The following UBASH3B variants were observed in gnomAD, a reference collection of about 807,000 sequenced individuals.
UBASH3B encodes ubiquitin associated and SH3 domain containing B, also known as ubiquitin-associated and SH3 domain-containing protein B.
Under a neutral mutation model 83.4 loss-of-function variants are expected in UBASH3B, and 37 were observed. The observed-to-expected ratio is 0.44, with a 90% CI of 0.34 to 0.58. UBASH3B has a LOEUF of 0.58. Ranked by LOEUF, UBASH3B falls within the 20% of genes least tolerant of loss-of-function variation. The pLI, the probability that UBASH3B is intolerant of heterozygous loss-of-function variation, is 0.01. For synonymous variants in UBASH3B, 304 were observed against 318.3 expected, an observed-to-expected ratio of 0.96 and a Z score of 0.48; for missense variants, 657 against 827.2, an observed-to-expected ratio of 0.79 and a Z score of 2.52.
intron 1 of UBASH3B, among the ~76,000 whole-genome samples, chr11:122,730,744 T>C (rs567329497): frequency 1.3e-5 from 2 of 152,194 alleles, no homozygotes; most frequent in Admixed American, 1.3e-4. Flanking sequence ...TACAGGCATG[T>C]GCCACCACGC....
intron 1 of UBASH3B, among the ~76,000 whole-genome samples, chr11:122,688,079 C>T (rs1863830899): frequency 6.6e-6 from 1 of 152,070 alleles, no homozygotes; most frequent in Admixed American, 6.6e-5. Context: ...GCCTTGGTTT[C>T]CCACCTATTT....
At chr11:122,755,674 G>A (rs547288447) in intron 1 of UBASH3B, among the ~76,000 whole-genome samples, 1 of 152,310 alleles carries the variant, frequency 6.6e-6, no homozygotes, top group African/African-American at 2.4e-5. Flanking sequence ...AAGGCAGGGA[G>A]AATTGACTCA....
chr11:122,769,977 A>G (rs1860614451), intron 1 of UBASH3B, among the ~76,000 whole-genome samples: 1 of 152,256 alleles, frequency 6.6e-6, no homozygotes, highest in Admixed American at 6.5e-5. Context: ...TTCGTATTAA[A>G]TGTTTCCAAA....
At chr11:122,764,729 G>A (rs1332444407) in intron 1 of UBASH3B, among the ~76,000 whole-genome samples, 3 of 152,212 alleles carry the variant, frequency 2.0e-5, no homozygotes, top group East Asian at 1.9e-4. Context: ...GCTGTAGTAC[G>A]TGAATTCAGG....
chr11:122,739,793 G>A (rs1289270333), intron 1 of UBASH3B, among the ~76,000 whole-genome samples: 1 of 152,160 alleles, frequency 6.6e-6, no homozygotes, highest in East Asian at 1.9e-4. Flanking sequence ...CTGGGCAGTG[G>A]TTCAAAAGTA....
intron 1 of UBASH3B, among the ~76,000 whole-genome samples, chr11:122,664,381 G>A (rs1248561925): frequency 6.6e-6 from 1 of 152,154 alleles, no homozygotes; most frequent in African/African-American, 2.4e-5. Flanking sequence ...CCTCTCTGCA[G>A]GGTGACAGAC....
At chr11:122,732,658 C>T (rs1203941432) in intron 1 of UBASH3B, among the ~76,000 whole-genome samples, 2 of 152,164 alleles carry the variant, frequency 1.3e-5, no homozygotes, top group Admixed American at 6.5e-5. Flanking sequence ...GAGATGAAAT[C>T]GTGGTTTGTC....
rs146626650 is a variant in UBASH3B, at chr11:122,665,265, A to G, written c.161+9055A>G. On this transcript the variant is annotated intron_variant, in intron 1 of 13. Coordinates refer to ENST00000284273, the MANE Select transcript of UBASH3B (RefSeq NM_032873.5). ...CGATCCTAGCTCATTGCAGCCTCGA[A>G]CACTTGGGCTCCAGTAATCCTCCTG... is the stretch of plus-strand genomic sequence containing the variant. Among the ~76,000 whole-genome samples, 131 of 152,104 alleles carry G rather than the reference A, an allele frequency of 8.6e-4. 4 individuals are homozygous for G. In the South Asian group the frequency reaches 0.022, roughly 26 times the overall value.
At chr11:122,696,392 C>A (rs148164831) in intron 1 of UBASH3B, among the ~76,000 whole-genome samples, 12,645 of 147,902 alleles carry the variant, frequency 0.085, 610 homozygotes, top group Middle Eastern at 0.13. Flanking sequence ...TGGAGTGCAA[C>A]CTCTGCCTCC....
chr11:122,753,590 G>C (rs1323719821), intron 1 of UBASH3B, among the ~76,000 whole-genome samples: 4 of 148,076 alleles, frequency 2.7e-5, no homozygotes, highest in Non-Finnish European at 3.0e-5. Context: ...TCCTCCTCCC[G>C]GGTTCAAGCG....
intron 1 of UBASH3B, among the ~76,000 whole-genome samples, chr11:122,715,201 T>A (rs1409139298): frequency 1.3e-5 from 2 of 152,184 alleles, no homozygotes; most frequent in East Asian, 3.8e-4. Flanking sequence ...CGCCTCGGCC[T>A]CCCAAAGTGC....
chr11:122,737,339 CAG>C (rs1247894905), intron 1 of UBASH3B, among the ~76,000 whole-genome samples: 2 of 152,022 alleles, frequency 1.3e-5, no homozygotes, highest in Admixed American at 6.6e-5. Context: ...GGGCTTAACA[CAG>C]AGAGAAAACA....
chr11:122,808,412 A>G (rs1861379707), intron 13 of UBASH3B, among the ~76,000 whole-genome samples: 1 of 152,254 alleles, frequency 6.6e-6, no homozygotes, highest in Admixed American at 6.5e-5. Flanking sequence ...GCTAAAATGT[A>G]GGAAGCAGCT....
intron 1 of UBASH3B, among the ~76,000 whole-genome samples, chr11:122,690,200 A>AAT (rs1565530288): frequency 0.013 from 385 of 29,072 alleles, 4 homozygotes; most frequent in African/African-American, 0.039. Context: ...ATATATATAT[A>AAT]TATATATATC....
intron 1 of UBASH3B, among the ~76,000 whole-genome samples, chr11:122,770,373 C>T (rs897175478): frequency 5.9e-5 from 9 of 152,006 alleles, no homozygotes; most frequent in Non-Finnish European, 1.2e-4. Flanking sequence ...AATAGGGGAA[C>T]TCTCTTCTGA....
chr11:122,765,292 G>C (rs531170177), intron 1 of UBASH3B, among the ~76,000 whole-genome samples: 15 of 152,204 alleles, frequency 9.9e-5, no homozygotes, highest in Non-Finnish European at 1.9e-4. Flanking sequence ...AGCCTGGAAG[G>C]CACCAAGGGT....
At chr11:122,752,784 A>T (rs1164837551) in intron 1 of UBASH3B, among the ~76,000 whole-genome samples, 2 of 152,184 alleles carry the variant, frequency 1.3e-5, no homozygotes, top group Non-Finnish European at 2.9e-5. Flanking sequence ...CTCGAAAGCG[A>T]CTTGAGGGCA....
intron 11 of UBASH3B, among the ~76,000 whole-genome samples, chr11:122,802,449 A>C (rs903765043): frequency 2.0e-5 from 3 of 152,112 alleles, no homozygotes; most frequent in Non-Finnish European, 2.9e-5. Context: ...AATTAAGTTC[A>C]TATTTCTTAA....
chr11:122,705,601 G>A (rs947208113), intron 1 of UBASH3B, among the ~76,000 whole-genome samples: 1 of 152,032 alleles, frequency 6.6e-6, no homozygotes, highest in African/African-American at 2.4e-5. Context: ...TTGAAGCAAG[G>A]CCTGCTCTCT....
Sources: allele counts gnomAD v4.1 joint callset (sites outside exome capture counted in the v4.1 genomes callset), GRCh38; gene constraint gnomAD v4.1.1; transcripts MANE v1.5; gene names NCBI Gene and HGNC (gene_info 2026-07-23, HGNC 2026-07-21).